Variants in ENOPH1 observed in about 807,000 individuals in gnomAD.
ENOPH1 encodes the protein enolase-phosphatase E1.
ENOPH1 carries 14 observed loss-of-function variants against 31.1 expected under a neutral mutation model. The ratio of observed to expected loss-of-function variants is 0.45; its 90% confidence interval spans 0.30 to 0.70. The LOEUF (loss-of-function observed/expected upper bound fraction) is 0.70, where lower values mean the gene tolerates loss of function less well. ENOPH1 is among the 30% of genes least tolerant of loss of function. The pLI, the probability that ENOPH1 is intolerant of heterozygous loss-of-function variation, is 0.09. For synonymous variants in ENOPH1, 127 were observed against 123.2 expected (o/e 1.03, Z -0.21); for missense variants, 243 against 321.5 (o/e 0.76, Z 1.87).
At chr4:82,447,514 G>A (rs1722227528) in intron 1 of ENOPH1, among the ~76,000 whole-genome samples, 2 of 152,212 alleles carry the variant, frequency 1.3e-5, no homozygotes, top group South Asian at 2.1e-4. Context: ...TGGCCATCTA[G>A]TTCTGTAGTT....
Position 82,460,843 on chromosome 4 carries a change from T to C in ENOPH1, c.*723T>C, listed in dbSNP as rs971003523. On this transcript the variant is annotated 3_prime_UTR_variant, in exon 6 of 6. Transcript: ENST00000273920. ...CTAATCCTGCCACGTGTTATCATTA[T>C]AGATTTTATAGTTGCCTTTCTAACT... is the stretch of plus-strand genomic sequence containing the variant. The C allele has an allele frequency of 2.6e-5, 4 of 152,270 alleles. No individual in the cohort carries two copies. The highest frequency in any genetic ancestry group is 9.6e-5 in the African/African-American group (4 of 41,478). 9.4% of individuals were successfully genotyped at this position (152,270 alleles called of 1,614,324 possible).
chr4:82,454,081 G>A (rs1358760153), intron 3 of ENOPH1, among the ~76,000 whole-genome samples: 1 of 149,554 alleles, frequency 6.7e-6, no homozygotes, highest in African/African-American at 2.5e-5. Context: ...GGGGGTGGTA[G>A]CACATGCTTG....
intron 1 of ENOPH1, among the ~76,000 whole-genome samples, chr4:82,440,563 T>C (rs1722012315): frequency 6.6e-6 from 1 of 152,228 alleles, no homozygotes; most frequent in South Asian, 2.1e-4. Flanking sequence ...GTGAATGCCT[T>C]CCTTTCCCCT....
At chr4:82,436,598 G>A (rs995558524) in intron 1 of ENOPH1, among the ~76,000 whole-genome samples, 1 of 151,244 alleles carries the variant, frequency 6.6e-6, no homozygotes, top group Non-Finnish European at 1.5e-5. Flanking sequence ...GAGGTAGAAG[G>A]ATCATTTGAG....
At chr4:82,459,908 C>T in intron 5 of ENOPH1, 73 bp from the exon 6 acceptor site, 1 of 1,553,176 alleles carries the variant, frequency 6.4e-7, no homozygotes, top group Non-Finnish European at 8.8e-7. Context: ...CATCCCCCTG[C>T]TGACTTTGCT....
At chr4:82,437,757 C>T (rs1190806649) in intron 1 of ENOPH1, among the ~76,000 whole-genome samples, 2 of 152,234 alleles carry the variant, frequency 1.3e-5, no homozygotes, top group African/African-American at 4.8e-5. Flanking sequence ...GTGTGGAAGG[C>T]TCCTCAAGGG....
rs755263484 is a variant in ENOPH1, at chr4:82,447,965, C to T, written c.130C>T (p.Gln44Ter). The T allele has an allele frequency of 4.3e-6, 7 of 1,613,080 alleles. No individual in the cohort carries two copies. The highest frequency in any genetic ancestry group is 5.9e-6 in the Non-Finnish European group (7 of 1,179,316). Residue 44 changes from glutamine to a stop codon, truncating the protein, a stop_gained, in exon 2 of 6, where the codon CAG becomes TAG. Transcript: ENST00000273920. LOFTEE classifies it high-confidence loss of function. ...YIEENVKEYL[Q>*]THWEEEECQQ... ...CGAAGAAAATGTTAAAGAGTATCTG[C>T]AGACACATTGGGAAGAAGAGGAGTG... is the stretch of plus-strand genomic sequence containing the variant.
chr4:82,454,205 C>T (rs1187747451), intron 3 of ENOPH1, among the ~76,000 whole-genome samples: 2 of 152,088 alleles, frequency 1.3e-5, no homozygotes, highest in East Asian at 3.9e-4. Flanking sequence ...CAGAGCAAGA[C>T]CCTGTCTCAA....
rs1722632148 is a variant in ENOPH1, at chr4:82,461,004, T to A, written c.*884T>A. On this transcript the variant is annotated 3_prime_UTR_variant, in exon 6 of 6. Transcript: ENST00000273920. ...ATGGATGTGAGAAATGTAAATTTTA[T>A]AACAGCAGTATTTATCCTGGTTTAA... 1 of 152,266 alleles carries A rather than the reference T, an allele frequency of 6.6e-6. No homozygotes were observed. The highest frequency in any genetic ancestry group is 1.5e-5 in the Non-Finnish European group (1 of 68,050). The allele number at this position is 152,266 out of a possible 1,614,324, so 9.4% of individuals were successfully genotyped here.
chr4:82,460,233 G>A lies in ENOPH1; in HGVS notation c.*113G>A, dbSNP rs1200433897. 9.5e-7 allele frequency: 1 copy of A among 1,051,986 alleles called. No homozygotes were observed. The highest frequency in any genetic ancestry group is 1.4e-6 in the Non-Finnish European group (1 of 703,318). The allele number at this position is 1,051,986 out of a possible 1,614,324, so 65.2% of individuals were successfully genotyped here. A position where few individuals can be genotyped will look rare whatever the true frequency, so the allele number is the denominator to read the frequency against. Reference sequence around the variant, plus strand: ...AAAAAACATATGTACACATATGTATGCAAGTATGTATATATGTGTATGCTC... The same window carrying A: ...AAAAAACATATGTACACATATGTATACAAGTATGTATATATGTGTATGCTC... On this transcript the variant is annotated 3_prime_UTR_variant, in exon 6 of 6. Transcript: ENST00000273920.
chr4:82,449,634 A>G (rs1722295316), intron 2 of ENOPH1, among the ~76,000 whole-genome samples: 1 of 152,184 alleles, frequency 6.6e-6, no homozygotes, highest in Non-Finnish European at 1.5e-5. Context: ...CCCGCGATCC[A>G]GTCACCTCCC....
At chr4:82,454,132 C>T (rs1186319836) in intron 3 of ENOPH1, among the ~76,000 whole-genome samples, 3 of 151,774 alleles carry the variant, frequency 2.0e-5, no homozygotes, top group Non-Finnish European at 2.9e-5. Context: ...GAGGATCACT[C>T]GAGCCCAGGA....
chr4:82,460,006 T>C lies in ENOPH1; in HGVS notation c.672T>C (p.Asp224=). Reference sequence around the variant, plus strand: ...AGGCCAGTGCTGCTGAGGAAGCAGATGTGCACGTAGCTGTGGTGGTGAGAC... The same window carrying C: ...AGGCCAGTGCTGCTGAGGAAGCAGACGTGCACGTAGCTGTGGTGGTGAGAC... ...TREASAAEEA[D]VHVAVVVRPG... The change falls in exon 6 of 6, where the codon GAT becomes GAC. Residue 224 remains aspartate (D), a synonymous_variant. Transcript: ENST00000273920. 1 of 1,614,004 alleles carries C rather than the reference T, an allele frequency of 6.2e-7. No homozygotes were observed. Among genetic ancestry groups the C allele is most frequent in the Non-Finnish European group, 8.5e-7 (1 of 1,180,030 alleles).
At chr4:82,453,556 A>T (rs933646104) in intron 3 of ENOPH1, among the ~76,000 whole-genome samples, 1 of 152,228 alleles carries the variant, frequency 6.6e-6, no homozygotes, top group African/African-American at 2.4e-5. Context: ...TACTCAGAAT[A>T]ACATACTTAC....
chr4:82,447,733 G>A (rs953155077), intron 1 of ENOPH1, among the ~76,000 whole-genome samples, 187 bp from the exon 2 acceptor site: 4 of 152,192 alleles, frequency 2.6e-5, no homozygotes, highest in Non-Finnish European at 5.9e-5. Context: ...GTAGTTTGCC[G>A]ACTCTTGGTC....
chr4:82,450,046 C>G (rs1241968525), intron 2 of ENOPH1, among the ~76,000 whole-genome samples: 1 of 152,110 alleles, frequency 6.6e-6, no homozygotes, highest in Non-Finnish European at 1.5e-5. Flanking sequence ...CAGTTATTTT[C>G]TAGTTCTATA....
At chr4:82,449,024 CTCCAGCCTGGGCGACAGA>C (rs1722274039) in intron 2 of ENOPH1, among the ~76,000 whole-genome samples, 1 of 139,032 alleles carries the variant, frequency 7.2e-6, no homozygotes, top group African/African-American at 2.7e-5. Flanking sequence ...CGCCACTGCA[CTCCAGCCTGGGCGACAGA>C]GCGAGACTCC....
At position 82,460,013 on chromosome 4, in the gene ENOPH1, G is replaced by A. The variant is rs763732393; in HGVS notation, c.679G>A (p.Val227Ile). The change falls in exon 6 of 6, where the codon GTA becomes ATA. Residue 227 changes from valine (V) to isoleucine (I), a missense_variant. By Grantham distance (29) the Val-to-Ile change is conservative (BLOSUM62 3). Coordinates refer to ENST00000273920, the MANE Select transcript of ENOPH1 (RefSeq NM_021204.5). ...TGCTGCTGAGGAAGCAGATGTGCAC[G>A]TAGCTGTGGTGGTGAGACCAGGCAA... ...ASAAEEADVH[V>I]AVVVRPGNAG... is the part of the protein sequence containing the mutation. 40 of 1,613,888 alleles carry A rather than the reference G, an allele frequency of 2.5e-5. No individual in the cohort carries two copies. The highest frequency in any genetic ancestry group is 5.5e-5 in the South Asian group (5 of 91,080).
intron 1 of ENOPH1, among the ~76,000 whole-genome samples, chr4:82,444,307 C>T (rs530026706): frequency 4.4e-4 from 67 of 152,186 alleles, no homozygotes; most frequent in African/African-American, 1.5e-3. Flanking sequence ...CTACAACCTC[C>T]GCCTCCCGGG....
Sources: allele counts gnomAD v4.1 joint callset (sites outside exome capture counted in the v4.1 genomes callset), GRCh38; gene constraint gnomAD v4.1.1; transcripts MANE v1.5; gene names NCBI Gene and HGNC (gene_info 2026-07-23, HGNC 2026-07-21).